Variants in CDH10 observed in about 807,000 individuals in gnomAD.
The protein encoded by CDH10 is cadherin-10.
A neutral mutation model predicts 73.1 loss-of-function variants in CDH10; 30 were observed. The ratio of observed to expected loss-of-function variants is 0.41; its 90% CI spans 0.31 to 0.56. The LOEUF is 0.56. Among genes scored for constraint, CDH10 ranks in the 20% least tolerant of loss-of-function variants. CDH10 has a pLI of 0.27. For synonymous variants in CDH10, 345 were observed against 348.2 expected (o/e 0.99, Z 0.10); for missense variants, 815 against 973.7 (o/e 0.84, Z 2.17).
chr5:24,557,107 G>A (rs10473694), intron 2 of CDH10, among the ~76,000 whole-genome samples: 66,494 of 151,380 alleles, frequency 0.44, 16,370 homozygotes, highest in African/African-American at 0.68. Flanking sequence ...GTGGGAGGGG[G>A]GTGGAATGAT....
intron 11 of CDH10, among the ~76,000 whole-genome samples, chr5:24,489,584 A>G (rs1249582930): frequency 2.0e-5 from 3 of 152,176 alleles, no homozygotes; most frequent in African/African-American, 4.8e-5. Context: ...TGTTGAGGAT[A>G]ATGACAACTT....
intron 2 of CDH10, among the ~76,000 whole-genome samples, chr5:24,559,637 A>T (rs1320335415): frequency 6.6e-6 from 1 of 152,054 alleles, no homozygotes; most frequent in Non-Finnish European, 1.5e-5. Context: ...TGGTTAAAAT[A>T]TTACCACAAC....
Position 24,537,537 on chromosome 5 carries a change from G to A in CDH10, c.369C>T (p.Ala123=), listed in dbSNP as rs1744002408. 1 of 1,613,112 alleles carries A rather than the reference G, an allele frequency of 6.2e-7. No individual in the cohort carries two copies. The highest frequency in any genetic ancestry group is 1.1e-5 in the South Asian group (1 of 91,064). Residue 123 remains alanine, a synonymous_variant, in exon 3 of 12, where the codon GCC becomes GCT. Transcript: ENST00000264463. ...TAGCTTGTGCGCGTAGAGTATAAAAGGCCTTTTCCTCCCTATCAATTCGCC... is the reference window on the plus strand; with the variant it reads ...TAGCTTGTGCGCGTAGAGTATAAAAAGCCTTTTCCTCCCTATCAATTCGCC... ...ATRRIDREEK[A]FYTLRAQAIN... is the part of the protein sequence containing the mutation.
chr5:24,518,236 C>A (rs955924645), intron 5 of CDH10, among the ~76,000 whole-genome samples: 1 of 152,068 alleles, frequency 6.6e-6, no homozygotes. Flanking sequence ...ATCTCTGAAA[C>A]GTTTATTATA....
At chr5:24,620,424 C>T (rs997070247) in intron 1 of CDH10, among the ~76,000 whole-genome samples, 1 of 151,922 alleles carries the variant, frequency 6.6e-6, no homozygotes, top group African/African-American at 2.4e-5. Context: ...AATGAATCAG[C>T]CTTAATGATT....
intron 2 of CDH10, among the ~76,000 whole-genome samples, chr5:24,551,041 T>G (rs1302727144): frequency 6.6e-6 from 1 of 152,132 alleles, no homozygotes; most frequent in Non-Finnish European, 1.5e-5. Context: ...CCCATCACAT[T>G]ACAATACAAT....
chr5:24,554,461 T>C lies in CDH10; in HGVS notation c.232-16787A>G, dbSNP rs1049783340. Among the ~76,000 whole-genome samples the C allele has an allele frequency of 2.1e-5, 3 of 145,192 alleles. No homozygotes were observed. The South Asian group carries it at 6.9e-4, about 33-fold the overall frequency. ...TATTCTCTAACTTTTCAAGTTGTTC[T>C]TTCTCCCTATTCGTGTGTGTGTGTG... On this transcript the variant is annotated intron_variant, in intron 2 of 11. Transcript: ENST00000264463.
chr5:24,502,057 C>T lies in CDH10; in HGVS notation c.1393+3055G>A, dbSNP rs539699705. Among the ~76,000 whole-genome samples the T allele has an allele frequency of 1.7e-3, 257 of 150,802 alleles. 4 individuals carry two copies. The highest frequency in any genetic ancestry group is 5.7e-3 in the African/African-American group (235 of 41,264). The stretch of plus-strand genomic sequence containing the variant: ...CCTCAGCCTCCCGGTAAGCTTGGGA[C>T]TACAGGTGCCCGCCACTACGTCCGG... On this transcript the variant is annotated intron_variant, in intron 8 of 11. Coordinates refer to ENST00000264463, the MANE Select transcript of CDH10 (RefSeq NM_006727.5).
chr5:24,637,341 A>G (rs930623885), intron 1 of CDH10, among the ~76,000 whole-genome samples: 1 of 152,012 alleles, frequency 6.6e-6, no homozygotes, highest in Non-Finnish European at 1.5e-5. Context: ...AGTATATCTA[A>G]TGGAAGATGA....
At chr5:24,590,945 GA>G (rs1286121399) in intron 2 of CDH10, among the ~76,000 whole-genome samples, 3 of 151,966 alleles carry the variant, frequency 2.0e-5, no homozygotes, top group African/African-American at 7.2e-5. Flanking sequence ...TACTTTAAAG[GA>G]TGTAAAAACC....
At chr5:24,602,229 A>G (rs964551364) in intron 1 of CDH10, among the ~76,000 whole-genome samples, 1 of 152,178 alleles carries the variant, frequency 6.6e-6, no homozygotes, top group Non-Finnish European at 1.5e-5. Flanking sequence ...ATTATACATT[A>G]GTCCTTGCAC....
chr5:24,534,635 T>C (rs1164774171), intron 5 of CDH10, among the ~76,000 whole-genome samples: 1 of 152,130 alleles, frequency 6.6e-6, no homozygotes, highest in Non-Finnish European at 1.5e-5. Context: ...TCAGATAGTT[T>C]TCGGAGGTTC....
intron 2 of CDH10, among the ~76,000 whole-genome samples, chr5:24,561,956 G>A (rs1744972357): frequency 6.6e-6 from 1 of 152,024 alleles, no homozygotes; most frequent in Non-Finnish European, 1.5e-5. Flanking sequence ...AAAAACATAT[G>A]TGATCAAGAA....
rs1742110452 is a variant in CDH10, at chr5:24,492,812, T to C, written c.1624+5A>G. 2.4e-6 allele frequency: 3 copies of C among 1,258,736 alleles called. No individual in the cohort carries two copies. Among genetic ancestry groups the C allele is most frequent in the East Asian group, 4.6e-5 (2 of 43,118 alleles). 78.0% of individuals were successfully genotyped at this position (1,258,736 alleles called of 1,614,324 possible). A position where few individuals can be genotyped will look rare whatever the true frequency, so the allele number is the denominator to read the frequency against. On this transcript the variant is annotated splice_donor_5th_base_variant and intron_variant, in intron 10 of 11. Transcript: ENST00000264463. ...AAGTCATAGTGAACAAGTTCTAAAA[T>C]TTACCTTCATTATCCTGTACTGTGA...
chr5:24,595,177 A>C (rs1746328275), intron 1 of CDH10, among the ~76,000 whole-genome samples: 1 of 151,814 alleles, frequency 6.6e-6, no homozygotes, highest in African/African-American at 2.4e-5. Context: ...AGGATATAAT[A>C]AAGTATGTGT....
intron 9 of CDH10, among the ~76,000 whole-genome samples, chr5:24,495,655 T>C (rs1742250133): frequency 6.6e-6 from 1 of 152,044 alleles, no homozygotes; most frequent in South Asian, 2.1e-4. Flanking sequence ...GAGACCATCC[T>C]GGCCAACATG....
At chr5:24,573,010 G>A (rs1307383752) in intron 2 of CDH10, among the ~76,000 whole-genome samples, 2 of 131,988 alleles carry the variant, frequency 1.5e-5, no homozygotes, top group African/African-American at 5.4e-5. Flanking sequence ...AAAAAATAAA[G>A]ATCACCAGAA....
chr5:24,506,260 ATGGTACGC>A, intron 7 of CDH10, among the ~76,000 whole-genome samples: 1 of 152,350 alleles, frequency 6.6e-6, no homozygotes, highest in Middle Eastern at 3.4e-3. Context: ...GATTGCCAGC[ATGGTACGC>A]TGGGCATGAT....
chr5:24,487,954 T>C lies in CDH10; in HGVS notation c.2076A>G (p.Pro692=), dbSNP rs1485574332. The C allele has an allele frequency of 6.2e-7, 1 of 1,614,024 alleles. No individual in the cohort carries two copies. Reference sequence around the variant, plus strand: ...TCCTCCGAGGAATAAATAACGTTTCTGGAATAATATCTCGCCGGAGCTTTT... The same window carrying C: ...TCCTCCGAGGAATAAATAACGTTTCCGGAATAATATCTCGCCGGAGCTTTT... ...EEKKLRRDII[P]ETLFIPRRTP... is the part of the protein sequence containing the mutation. The change falls in exon 12 of 12, where the codon CCA becomes CCG. Residue 692 remains proline, a synonymous_variant. Coordinates refer to ENST00000264463, the MANE Select transcript of CDH10 (RefSeq NM_006727.5).
Sources: gnomAD v4.1 joint callset for allele counts (sites outside exome capture counted in the v4.1 genomes callset) on GRCh38, gnomAD v4.1.1 for gene constraint, MANE v1.5 for transcripts, NCBI Gene and HGNC (gene_info 2026-07-23, HGNC 2026-07-21) for gene names.